The following SLITRK5 variants were observed in gnomAD, a reference collection of about 807,000 sequenced individuals.
The protein encoded by SLITRK5 is SLIT and NTRK like family member 5.
SLITRK5 carries 23 observed loss-of-function variants against 56.2 expected under a neutral mutation model. The ratio of observed to expected loss-of-function variants is 0.41; its 90% confidence interval spans 0.29 to 0.58. SLITRK5 has a LOEUF of 0.58. SLITRK5 is among the 20% of genes least tolerant of loss of function. SLITRK5 has a pLI of 0.30. For missense variants in SLITRK5, 1,289 were observed against 1,226.6 expected (o/e 1.05, Z -0.76); for synonymous variants, 637 against 531.8 (o/e 1.20, Z -2.72).
chr13:87,677,048 T>C lies in SLITRK5; in HGVS notation c.1660T>C (p.Ser554Pro). 6.2e-7 allele frequency: 1 copy of C among 1,614,012 alleles called. No individual in the cohort carries two copies. The highest frequency in any genetic ancestry group is 8.5e-7 in the Non-Finnish European group (1 of 1,179,974). ...PVSGVLDQLKSLIQIDLHDNP... is the reference protein window; with the variant it reads ...PVSGVLDQLKPLIQIDLHDNP... The stretch of plus-strand genomic sequence containing the variant: ...GAGTGGAGTTTTGGACCAGCTGAAG[T>C]CACTCATCCAAATCGACCTGCATGA... The change falls in exon 2 of 2, where the codon TCA (serine) becomes CCA (proline). Residue 554 changes from serine to proline, a missense_variant. Around this residue, in one of 3 missense-constraint regions of SLITRK5, gnomAD observed 985 missense variants for 906.0 expected, o/e 1.09. Transcript: ENST00000683689. The surrounding 1 kb of genome is among the most constrained non-coding windows in gnomAD (Gnocchi z 4.7).
intron 1 of SLITRK5, chr13:87,673,347 A>AG (rs1309719302): frequency 2.9e-6 from 1 of 344,414 alleles, no homozygotes; most frequent in East Asian, 8.8e-5. Flanking sequence ...AGCAAGGAGG[A>AG]GGGGGAAGGG....
Position 87,677,054 on chromosome 13 carries a change from A to G in SLITRK5, c.1666A>G (p.Ile556Val), listed in dbSNP as rs78209359. 6.3e-5 allele frequency: 101 copies of G among 1,613,976 alleles called. No individual in the cohort carries two copies. The highest frequency in any genetic ancestry group is 8.5e-5 in the Non-Finnish European group (100 of 1,180,030). Residue 556 changes from isoleucine to valine, a missense_variant, in exon 2 of 2, where the codon ATC (isoleucine) becomes GTC (valine). Physicochemically the swap from Ile to Val is conservative, Grantham distance 29. This residue lies in a region of SLITRK5 where 985 missense variants were observed against 906.0 expected (regional missense o/e 1.09). Coordinates refer to ENST00000683689, the MANE Select transcript of SLITRK5 (RefSeq NM_001384609.1). This position sits in a 1 kb window ranked among gnomAD's most constrained non-coding sequence, Gnocchi z 4.7. ...AGTTTTGGACCAGCTGAAGTCACTCATCCAAATCGACCTGCATGACAATCC... is the reference window on the plus strand; with the variant it reads ...AGTTTTGGACCAGCTGAAGTCACTCGTCCAAATCGACCTGCATGACAATCC... ...SGVLDQLKSL[I>V]QIDLHDNPWD...
rs1416465496 is a variant in SLITRK5, at chr13:87,675,477, T to C, written c.89T>C (p.Val30Ala). ...ATGCTGCAGACTCTAGCGTTTGCTG[T>C]AACATCTCTCGTCCTTTCGTGTGCA... ...SWMLQTLAFA[V>A]TSLVLSCAET... is the part of the protein sequence containing the mutation. The change falls in exon 2 of 2, where the codon GTA (valine) becomes GCA (alanine). Residue 30 changes from valine to alanine, a missense_variant. By Grantham distance (64) the Val-to-Ala change is moderately conservative. Coordinates refer to ENST00000683689, the MANE Select transcript of SLITRK5 (RefSeq NM_001384609.1). 1.2e-6 allele frequency: 2 copies of C among 1,614,092 alleles called. No homozygotes were observed. The highest frequency in any genetic ancestry group is 1.7e-6 in the Non-Finnish European group (2 of 1,180,032).
rs1877312462 is a variant in SLITRK5 at position 87,677,141 on chromosome 13, G to C, written c.1753G>C (p.Val585Leu). 7 of 1,614,068 alleles carry C rather than the reference G, an allele frequency of 4.3e-6. No individual in the cohort carries two copies. Among genetic ancestry groups the C allele is most frequent in the Admixed American group, 1.7e-5 (1 of 60,008 alleles). Reference sequence around the variant, plus strand: ...GTGGGTGGAGCAGCTCAAAGTGGGCGTCCTAGTGGACGAGGTGATCTGTAA... The same window carrying C: ...GTGGGTGGAGCAGCTCAAAGTGGGCCTCCTAGTGGACGAGGTGATCTGTAA... ...KLWVEQLKVG[V>L]LVDEVICKAP... The change falls in exon 2 of 2, where the codon GTC becomes CTC. Residue 585 changes from valine (V) to leucine (L), a missense_variant. Coordinates refer to ENST00000683689, the MANE Select transcript of SLITRK5 (RefSeq NM_001384609.1). This position sits in a 1 kb window ranked among gnomAD's most constrained non-coding sequence, Gnocchi z 4.7.
At position 87,676,800 on chromosome 13, in the gene SLITRK5, G is replaced by A. The variant is rs755775236; in HGVS notation, c.1412G>A (p.Arg471Lys). The A allele has an allele frequency of 6.2e-7, 1 of 1,614,002 alleles. No individual in the cohort carries two copies. Among genetic ancestry groups the A allele is most frequent in the African/African-American group, 1.3e-5 (1 of 74,908 alleles). ...RLYLNGNRIE[R>K]LSPELFYGLQ... ...TACCTGAATGGCAACAGGATCGAGA[G>A]GCTGAGCCCGGAGTTATTCTATGGC... Residue 471 changes from arginine (R) to lysine (K), a missense_variant, in exon 2 of 2, where the codon AGG (arginine) becomes AAG (lysine). Arg to Lys is a conservative substitution (Grantham distance 26). Coordinates refer to ENST00000683689, the MANE Select transcript of SLITRK5 (RefSeq NM_001384609.1).
rs143891134 is a variant in SLITRK5, at chr13:87,675,980, C to G, written c.592C>G (p.Arg198Gly). 7 of 1,614,110 alleles carry G rather than the reference C, an allele frequency of 4.3e-6. No homozygotes were observed. Among genetic ancestry groups the G allele is most frequent in the Non-Finnish European group, 5.9e-6 (7 of 1,180,036 alleles). ...LLSSLPNNLF[R>G]FVPLTHLDLR... The stretch of plus-strand genomic sequence containing the variant: ...GTCCAGTTTACCCAACAATCTTTTC[C>G]GTTTTGTGCCCTTAACGCACTTGGA... The change falls in exon 2 of 2, where the codon CGT becomes GGT. Residue 198 changes from arginine to glycine, a missense_variant. This residue lies in a region of SLITRK5 where 291 missense variants were observed against 286.7 expected (regional missense o/e 1.02). Coordinates refer to ENST00000683689, the MANE Select transcript of SLITRK5 (RefSeq NM_001384609.1).
In SLITRK5 at chr13:87,676,969, C is replaced by T. The variant is rs774502835; in HGVS notation, c.1581C>T (p.Gly527=). 10 of 1,614,176 alleles carry T rather than the reference C, an allele frequency of 6.2e-6. No homozygotes were observed. The highest frequency in any genetic ancestry group is 8.5e-6 in the Non-Finnish European group (10 of 1,180,036). The change falls in exon 2 of 2, where the codon GGC becomes GGT. Residue 527 remains glycine (G), a synonymous_variant. Coordinates refer to ENST00000683689, the MANE Select transcript of SLITRK5 (RefSeq NM_001384609.1). ...CCATGCCCTCAGGCGTCTTCTCTGGCTTGACCCTCCTCAGGCTAAACCTGA... is the reference window on the plus strand; with the variant it reads ...CCATGCCCTCAGGCGTCTTCTCTGGTTTGACCCTCCTCAGGCTAAACCTGA... The part of the protein sequence containing the change: ...LQAMPSGVFS[G]LTLLRLNLRS...
Position 87,672,141 on chromosome 13 carries a change from A to T in SLITRK5, c.-77A>T, listed in dbSNP as rs1216934582. Among the ~76,000 whole-genome samples, 1 of 152,040 alleles carries T rather than the reference A, an allele frequency of 6.6e-6. No homozygotes were observed. Among genetic ancestry groups the T allele is most frequent in the Non-Finnish European group, 1.5e-5 (1 of 67,980 alleles). Reference sequence around the variant, plus strand: ...CCCAGGCCGGAGGGTGCGAGGAGCCAGAGGAGGCTGGAGGGGGCGGCGGCC... The same window carrying T: ...CCCAGGCCGGAGGGTGCGAGGAGCCTGAGGAGGCTGGAGGGGGCGGCGGCC... On this transcript the variant is annotated 5_prime_UTR_variant, in exon 1 of 2. It introduces an in-frame stop codon into an upstream open reading frame of the 5' UTR. Coordinates refer to ENST00000683689, the MANE Select transcript of SLITRK5 (RefSeq NM_001384609.1).
rs758426532 is a variant in SLITRK5 at position 87,677,999 on chromosome 13, G to T, written c.2611G>T (p.Gly871Cys). 6.2e-7 allele frequency: 1 copy of T among 1,614,110 alleles called. No homozygotes were observed. Among genetic ancestry groups the T allele is most frequent in the Non-Finnish European group, 8.5e-7 (1 of 1,179,988 alleles). Residue 871 changes from glycine (G) to cysteine (C), a missense_variant, in exon 2 of 2, where the codon GGC becomes TGC. This residue lies in a region of SLITRK5 where 985 missense variants were observed against 906.0 expected (regional missense o/e 1.09). Coordinates refer to ENST00000683689, the MANE Select transcript of SLITRK5 (RefSeq NM_001384609.1). The surrounding 1 kb of genome is among the most constrained non-coding windows in gnomAD (Gnocchi z 4.7). ...CAAACACTGCTCCACCACCCCCGCC[G>T]GCAATAGCCTCCCGGAATATCCCAA... ...PDKHCSTTPA[G>C]NSLPEYPKFP...
intron 1 of SLITRK5, among the ~76,000 whole-genome samples, chr13:87,675,143 G>A (rs1877215368): frequency 6.6e-6 from 1 of 152,060 alleles, no homozygotes; most frequent in Non-Finnish European, 1.5e-5. Context: ...ATCTTGTAAG[G>A]AGCAGCATAT....
chr13:87,672,028 C>T lies in SLITRK5; in HGVS notation c.-190C>T, dbSNP rs1265123202. ...GCGACCCGCTCCCTCTGGCTCGTCC[C>T]CCGGCGTGCGCCACTGACCAGGGGG... is the stretch of plus-strand genomic sequence containing the variant. On this transcript the variant is annotated 5_prime_UTR_variant, in exon 1 of 2. Transcript: ENST00000683689. Among the ~76,000 whole-genome samples the T allele has an allele frequency of 6.6e-6, 1 of 152,126 alleles. No homozygotes were observed. Among genetic ancestry groups the T allele is most frequent in the Non-Finnish European group, 1.5e-5 (1 of 68,034 alleles).
rs1877225642 is a variant in SLITRK5, at chr13:87,675,375, T to A, written c.-8-6T>A. ...GTTATTTCCTTGTTTTCTCTCTCCCTTACAGGAGGTAAAATGCACACTTGC... is the reference window on the plus strand; with the variant it reads ...GTTATTTCCTTGTTTTCTCTCTCCCATACAGGAGGTAAAATGCACACTTGC... On this transcript the variant is annotated splice_region_variant and splice_polypyrimidine_tract_variant and intron_variant, in intron 1 of 1. Transcript: ENST00000683689. 6.2e-7 allele frequency: 1 copy of A among 1,608,116 alleles called. No homozygotes were observed. Among genetic ancestry groups the A allele is most frequent in the Non-Finnish European group, 8.5e-7 (1 of 1,174,846 alleles).
intron 1 of SLITRK5, chr13:87,673,654 T>C: frequency 1.8e-6 from 1 of 543,734 alleles, no homozygotes; most frequent in Admixed American, 2.3e-5. Context: ...CGTTGGGAGG[T>C]CGGGGATACT....
chr13:87,676,320 C>A lies in SLITRK5; in HGVS notation c.932C>A (p.Ala311Glu). ...STTGYLHTTP[A>E]SVNSVATSSS... ...ACGGGGTATTTACACACCACCCCGGCGTCAGTGAATTCTGTGGCCACTTCT... is the reference window on the plus strand; with the variant it reads ...ACGGGGTATTTACACACCACCCCGGAGTCAGTGAATTCTGTGGCCACTTCT... Residue 311 changes from alanine (A) to glutamate (E), a missense_variant, in exon 2 of 2, where the codon GCG (alanine) becomes GAG (glutamate). This residue lies in a region of SLITRK5 where 985 missense variants were observed against 906.0 expected (regional missense o/e 1.09). Transcript: ENST00000683689. 6.2e-7 allele frequency: 1 copy of A among 1,614,124 alleles called. No homozygotes were observed. The highest frequency in any genetic ancestry group is 1.3e-5 in the African/African-American group (1 of 75,032).
chr13:87,673,933 C>T (rs1310308338), intron 1 of SLITRK5, among the ~76,000 whole-genome samples: 1 of 151,956 alleles, frequency 6.6e-6, no homozygotes, highest in Non-Finnish European at 1.5e-5. Context: ...GGCATAGGTT[C>T]CTAGAGTCCA....
Position 87,676,695 on chromosome 13 carries a change from A to G in SLITRK5, c.1307A>G (p.Asp436Gly). 8.1e-6 allele frequency: 13 copies of G among 1,613,866 alleles called. No individual in the cohort carries two copies. Among genetic ancestry groups the G allele is most frequent in the Non-Finnish European group, 1.1e-5 (13 of 1,180,010 alleles). ...GACTTCCTGGAGGCCACGGGGCTGG[A>G]CCTCCTGCACCTGGGGAATAACCGC... ...RTDFLEATGL[D>G]LLHLGNNRIS... Residue 436 changes from aspartate to glycine, a missense_variant, in exon 2 of 2, where the codon GAC becomes GGC. By Grantham distance (94) the Asp-to-Gly change is moderately conservative. This residue lies in a region of SLITRK5 where 985 missense variants were observed against 906.0 expected (regional missense o/e 1.09). Coordinates refer to ENST00000683689, the MANE Select transcript of SLITRK5 (RefSeq NM_001384609.1).
At chr13:87,674,455 G>A in intron 1 of SLITRK5, 1 of 969,446 alleles carries the variant, frequency 1.0e-6, no homozygotes, top group Non-Finnish European at 1.2e-6. Context: ...CCCGGTAAGC[G>A]GTAGGAACGT....
In SLITRK5 at chr13:87,676,470, G is replaced by A. The variant is rs937433892; in HGVS notation, c.1082G>A (p.Ser361Asn). 6.2e-7 allele frequency: 1 copy of A among 1,614,086 alleles called. No individual in the cohort carries two copies. The highest frequency in any genetic ancestry group is 8.5e-7 in the Non-Finnish European group (1 of 1,180,008). Residue 361 changes from serine to asparagine, a missense_variant, in exon 2 of 2, where the codon AGC becomes AAC. Coordinates refer to ENST00000683689, the MANE Select transcript of SLITRK5 (RefSeq NM_001384609.1). ...TTGGGCTACAGCAACTATGGCCCCA[G>A]CATCGCCTATCAGACCAAATCCCCG... ...KDLGYSNYGP[S>N]IAYQTKSPVP... is the part of the protein sequence containing the mutation.
At position 87,672,125 on chromosome 13, in the gene SLITRK5, G is replaced by T. The variant is rs1877058928; in HGVS notation, c.-93G>T. Among the ~76,000 whole-genome samples, 1 of 152,078 alleles carries T rather than the reference G, an allele frequency of 6.6e-6. No homozygotes were observed. Among genetic ancestry groups the T allele is most frequent in the Non-Finnish European group, 1.5e-5 (1 of 68,010 alleles). On this transcript the variant is annotated 5_prime_UTR_variant, in exon 1 of 2. Transcript: ENST00000683689. ...GGCCGGCCGGCGCGAACCCAGGCCGGAGGGTGCGAGGAGCCAGAGGAGGCT... is the reference window on the plus strand; with the variant it reads ...GGCCGGCCGGCGCGAACCCAGGCCGTAGGGTGCGAGGAGCCAGAGGAGGCT...
Sources: allele counts gnomAD v4.1 joint callset (sites outside exome capture counted in the v4.1 genomes callset), GRCh38; gene constraint gnomAD v4.1.1; regional missense constraint gnomAD v4.1.1; non-coding constraint Gnocchi (gnomAD v3.1); transcripts MANE v1.5; gene names NCBI Gene and HGNC (gene_info 2026-07-23, HGNC 2026-07-21).